Variants in C1orf94 observed in about 807,000 individuals in gnomAD.
C1orf94 encodes the protein uncharacterized protein C1orf94.
A neutral mutation model predicts 53.6 loss-of-function variants in C1orf94; 45 were observed. The ratio of observed to expected loss-of-function variants is 0.84; its 90% CI spans 0.66 to 1.08. C1orf94 has a LOEUF of 1.08. Among genes scored for constraint, C1orf94 ranks in the 50% least tolerant of loss-of-function variants. The probability of loss-of-function intolerance (pLI) is 0.00; values close to 1 mark genes in which losing one functional copy is unlikely to be tolerated. For synonymous variants in C1orf94, 304 were observed against 296.1 expected, an observed-to-expected ratio of 1.03 and a Z score of -0.27; for missense variants, 762 against 738.9, an observed-to-expected ratio of 1.03 and a Z score of -0.36.
Position 34,212,225 on chromosome 1 carries a change from C to A in C1orf94, c.1540C>A (p.Pro514Thr), listed in dbSNP as rs1305285768. The change falls in exon 6 of 7, where the codon CCA (proline) becomes ACA (threonine). Residue 514 changes from proline to threonine, a missense_variant. Pro to Thr is a conservative substitution (Grantham distance 38, BLOSUM62 -1). Transcript: ENST00000488417. ...TGATGTGCAGGTGATGCCATACAAC[C>A]CACAGCAGATGGGACAGCAGATCTT... ...CYSQQVMPYNPQQMGQQIFRS... is the reference protein window; with the variant it reads ...CYSQQVMPYNTQQMGQQIFRS... 1 of 1,611,584 alleles carries A rather than the reference C, an allele frequency of 6.2e-7. No individual in the cohort carries two copies. The highest frequency in any genetic ancestry group is 2.2e-5 in the East Asian group (1 of 44,786).
intron 4 of C1orf94, among the ~76,000 whole-genome samples, chr1:34,207,408 G>A (rs1451611621): frequency 6.6e-6 from 1 of 152,128 alleles, no homozygotes; most frequent in Non-Finnish European, 1.5e-5. Context: ...AAGGGAGGAG[G>A]CAGTGATGGA....
intron 6 of C1orf94, among the ~76,000 whole-genome samples, chr1:34,216,600 G>A (rs932290188): frequency 2.6e-5 from 4 of 152,068 alleles, no homozygotes; most frequent in African/African-American, 7.2e-5. Context: ...CAGAAAAGGT[G>A]GAATCAAGAG....
In C1orf94 at chr1:34,178,088, A is replaced by G; in HGVS notation, c.299A>G (p.Asn100Ser). 3 of 1,551,594 alleles carry G rather than the reference A, an allele frequency of 1.9e-6. No homozygotes were observed. The highest frequency in any genetic ancestry group is 2.6e-6 in the Non-Finnish European group (3 of 1,146,926). Reference sequence around the variant, plus strand: ...CCTGTGGTTGGAACTCTAAGAGGCAATGAGCTCAGCTTTCAAGAAGAGTAA... The same window carrying G: ...CCTGTGGTTGGAACTCTAAGAGGCAGTGAGCTCAGCTTTCAAGAAGAGTAA... ...SVPVVGTLRG[N>S]ELSFQEEALE... The change falls in exon 1 of 7, where the codon AAT (asparagine) becomes AGT (serine). Residue 100 changes from asparagine to serine, a missense_variant. Asn to Ser is a conservative substitution (Grantham distance 46). Coordinates refer to ENST00000488417, the MANE Select transcript of C1orf94 (RefSeq NM_001134734.2).
At chr1:34,192,123 G>C (rs890731659) in intron 1 of C1orf94, among the ~76,000 whole-genome samples, 3 of 152,182 alleles carry the variant, frequency 2.0e-5, no homozygotes, top group Non-Finnish European at 2.9e-5. Context: ...ACCCCAAAGA[G>C]AAAGCGAATA....
upstream of C1orf94, among the ~76,000 whole-genome samples, chr1:34,175,823 A>G (rs1642216375): frequency 6.6e-6 from 1 of 152,032 alleles, no homozygotes; most frequent in African/African-American, 2.4e-5. Flanking sequence ...CTGGACCACC[A>G]TGGAATATTG....
intron 6 of C1orf94, among the ~76,000 whole-genome samples, chr1:34,213,974 C>T (rs1374621060): frequency 6.6e-6 from 1 of 152,142 alleles, no homozygotes; most frequent in Admixed American, 6.5e-5. Context: ...CTACCTAACA[C>T]ACCCAGGGAA....
chr1:34,192,493 T>A (rs1039300888), intron 1 of C1orf94, among the ~76,000 whole-genome samples: 3 of 152,200 alleles, frequency 2.0e-5, no homozygotes, highest in Non-Finnish European at 2.9e-5. Context: ...TAAAGGCAAG[T>A]GAACTTGTTC....
At chr1:34,202,493 C>A (rs1026238448) in intron 4 of C1orf94, among the ~76,000 whole-genome samples, 1 of 152,132 alleles carries the variant, frequency 6.6e-6, no homozygotes, top group East Asian at 1.9e-4. Flanking sequence ...TGCATGCGTG[C>A]GCACACCTCC....
chr1:34,179,762 T>G (rs1642286020), intron 1 of C1orf94, among the ~76,000 whole-genome samples: 1 of 152,224 alleles, frequency 6.6e-6, no homozygotes, highest in Non-Finnish European at 1.5e-5. Context: ...TTTGTTGTTG[T>G]TGGCTTCAAT....
intron 4 of C1orf94, among the ~76,000 whole-genome samples, chr1:34,205,282 T>A (rs938589196): frequency 2.0e-5 from 3 of 152,166 alleles, no homozygotes; most frequent in African/African-American, 7.2e-5. Flanking sequence ...CCAGCTGAAG[T>A]TGGCTGTGGA....
intron 1 of C1orf94, among the ~76,000 whole-genome samples, chr1:34,183,686 T>C (rs1002552812): frequency 6.6e-6 from 1 of 152,076 alleles, no homozygotes; most frequent in Admixed American, 6.6e-5. Context: ...TAAAACCCTG[T>C]CTCTACTAAA....
chr1:34,175,005 A>G (rs1272427338), upstream of C1orf94, among the ~76,000 whole-genome samples: 1 of 152,190 alleles, frequency 6.6e-6, no homozygotes, highest in Non-Finnish European at 1.5e-5. Context: ...TGAATTTTTC[A>G]TTTAATTTAT....
At chr1:34,171,259 C>T (rs544681165) in intron 1 of C1orf94, among the ~76,000 whole-genome samples, 2 of 152,332 alleles carry the variant, frequency 1.3e-5, no homozygotes, top group South Asian at 2.1e-4. Context: ...TTTCTCTCCC[C>T]TTTCCCCTGG....
Position 34,208,211 on chromosome 1 carries a change from C to T in C1orf94, c.1501C>T (p.Gln501Ter). The T allele has an allele frequency of 6.2e-7, 1 of 1,614,082 alleles. No homozygotes were observed. Among genetic ancestry groups the T allele is most frequent in the Non-Finnish European group, 8.5e-7 (1 of 1,179,996 alleles). The change falls in exon 5 of 7, where the codon CAG becomes TAG. Residue 501 changes from glutamine to a stop codon, truncating the protein, a stop_gained. Coordinates refer to ENST00000488417, the MANE Select transcript of C1orf94 (RefSeq NM_001134734.2). LOFTEE classifies it high-confidence loss of function. ...RMPYQQALHP[Q>*]LGCYSQQVMP... is the part of the protein sequence containing the mutation. ...GCCCTATCAGCAGGCTTTGCACCCG[C>T]AGCTGGGATGTTACTCCCAACAGGT...
Position 34,178,120 on chromosome 1 carries a change from C to G in C1orf94, c.320+11C>G, listed in dbSNP as rs1459435620. ...CAGCTTTCAAGAAGAGTAAGTACCC[C>G]CCTACTCCATTGGCAGCAAGGGAGG... On this transcript the variant is annotated intron_variant, in intron 1 of 6. Coordinates refer to ENST00000488417, the MANE Select transcript of C1orf94 (RefSeq NM_001134734.2). 2.6e-6 allele frequency: 4 copies of G among 1,547,214 alleles called. No individual in the cohort carries two copies. The highest frequency in any genetic ancestry group is 3.9e-5 in the Admixed American group (2 of 50,770).
At chr1:34,202,969 C>A (rs79506755) in intron 4 of C1orf94, among the ~76,000 whole-genome samples, 2,742 of 152,206 alleles carry the variant, frequency 0.018, 77 homozygotes, top group African/African-American at 0.061. Context: ...CATTATTAGG[C>A]GTTGTTAGTA....
At chr1:34,206,358 T>G (rs1362786210) in intron 4 of C1orf94, among the ~76,000 whole-genome samples, 1 of 152,114 alleles carries the variant, frequency 6.6e-6, no homozygotes, top group Non-Finnish European at 1.5e-5. Flanking sequence ...AGAGGGAAGA[T>G]GAAAGATTCC....
chr1:34,199,782 C>T (rs750418057), intron 2 of C1orf94, among the ~76,000 whole-genome samples: 3 of 152,172 alleles, frequency 2.0e-5, no homozygotes, highest in Non-Finnish European at 4.4e-5. Flanking sequence ...AATCTTGTCC[C>T]TGCTCCACAC....
intron 4 of C1orf94, among the ~76,000 whole-genome samples, chr1:34,206,530 C>T (rs1053765665): frequency 5.9e-5 from 9 of 152,218 alleles, no homozygotes; most frequent in Non-Finnish European, 1.0e-4. Context: ...TGCACACAAA[C>T]GATATCCATG....
Sources: allele counts gnomAD v4.1 joint callset (sites outside exome capture counted in the v4.1 genomes callset), GRCh38; gene constraint gnomAD v4.1.1; transcripts MANE v1.5; gene names NCBI Gene and HGNC (gene_info 2026-07-23, HGNC 2026-07-21).